CEP192: variants seen among roughly 807,000 people sequenced by gnomAD.
CEP192 encodes centrosomal protein 192.
Under a neutral mutation model 271.8 loss-of-function variants are expected in CEP192, and 151 were observed. The ratio of observed to expected loss-of-function variants is 0.56; its 90% CI spans 0.49 to 0.64. The LOEUF is 0.64. Among genes scored for constraint, CEP192 ranks in the 30% least tolerant of loss-of-function variants. The pLI is 0.00. For synonymous variants in CEP192, 995 were observed against 1,076.5 expected (o/e 0.92, Z 1.48); for missense variants, 2,910 against 3,020.5 (o/e 0.96, Z 0.86).
chr18:13,078,703 T>C (rs1159834153), intron 30 of CEP192, among the ~76,000 whole-genome samples: 2 of 152,202 alleles, frequency 1.3e-5, no homozygotes, highest in Non-Finnish European at 2.9e-5. Context: ...GTTACATATG[T>C]ATACATGTGC....
intron 9 of CEP192, among the ~76,000 whole-genome samples, chr18:13,027,857 G>A (rs760281388): frequency 2.0e-5 from 3 of 151,702 alleles, no homozygotes; most frequent in Admixed American, 6.6e-5. Flanking sequence ...TTCTATTGGG[G>A]TATTTGTATT....
chr18:13,101,161 T>A lies in CEP192; in HGVS notation c.6871+649T>A, dbSNP rs375704440. On this transcript the variant is annotated intron_variant, in intron 38 of 44. Coordinates refer to ENST00000506447, the MANE Select transcript of CEP192 (RefSeq NM_032142.4). Reference sequence around the variant, plus strand: ...GGCAGCCCTGAGCCACAGCTTCTAGTCAGCCGCAATCACAAGGGTGAACAG... The same window carrying A: ...GGCAGCCCTGAGCCACAGCTTCTAGACAGCCGCAATCACAAGGGTGAACAG... Among the ~76,000 whole-genome samples, 20 of 152,282 alleles carry A rather than the reference T, an allele frequency of 1.3e-4. No homozygotes were observed. The East Asian group carries it at 2.1e-3, about 16-fold the overall frequency.
chr18:13,124,874 A>G lies in CEP192; in HGVS notation c.*104A>G. ...TTTGTATATATATTTTGTATGATGG[A>G]TATCTATAATTGTAGATTTTGTTTT... is the stretch of plus-strand genomic sequence containing the variant. On this transcript the variant is annotated 3_prime_UTR_variant, in exon 45 of 45. Coordinates refer to ENST00000506447, the MANE Select transcript of CEP192 (RefSeq NM_032142.4). 1.1e-6 allele frequency: 1 copy of G among 923,070 alleles called. No individual in the cohort carries two copies. Among genetic ancestry groups the G allele is most frequent in the Non-Finnish European group, 1.6e-6 (1 of 628,902 alleles). The allele number at this position is 923,070 out of a possible 1,614,324, so 57.2% of individuals were successfully genotyped here.
intron 9 of CEP192, among the ~76,000 whole-genome samples, chr18:13,026,555 T>A (rs1467098233): frequency 5.9e-5 from 9 of 152,226 alleles, no homozygotes; most frequent in Non-Finnish European, 1.2e-4. Flanking sequence ...GTAGTTGTCC[T>A]GCAGTTTTTT....
At chr18:13,117,328 A>C (rs2040478815) in intron 43 of CEP192, among the ~76,000 whole-genome samples, 1 of 152,204 alleles carries the variant, frequency 6.6e-6, no homozygotes, top group South Asian at 2.1e-4. Context: ...TTTAATTTTT[A>C]ACTTTTTCTT....
chr18:13,024,938 T>C (rs1032830953), intron 9 of CEP192, among the ~76,000 whole-genome samples: 13 of 150,592 alleles, frequency 8.6e-5, no homozygotes, highest in African/African-American at 3.2e-4. Flanking sequence ...CCTGGCTAAT[T>C]TTTTTGTATT....
At position 13,113,655 on chromosome 18, in the gene CEP192, C is replaced by G; in HGVS notation, c.7117C>G (p.Leu2373Val). Residue 2373 changes from leucine (L) to valine (V), a missense_variant, in exon 41 of 45, where the codon CTT (leucine) becomes GTT (valine). Physicochemically the swap from Leu to Val is conservative, Grantham distance 32. Transcript: ENST00000506447. ...AQFWDVECHP[L>V]KEPHMKHTLR... is the part of the protein sequence containing the mutation. ...GTTTTGGGATGTTGAATGTCACCCT[C>G]TTAAGGAGCCTCACATGAAACACAC... is the stretch of plus-strand genomic sequence containing the variant. 1 of 1,613,540 alleles carries G rather than the reference C, an allele frequency of 6.2e-7. No homozygotes were observed. Among genetic ancestry groups the G allele is most frequent in the Non-Finnish European group, 8.5e-7 (1 of 1,179,556 alleles).
At chr18:13,110,034 C>T (rs1050400398) in intron 40 of CEP192, among the ~76,000 whole-genome samples, 9 of 152,208 alleles carry the variant, frequency 5.9e-5, no homozygotes, top group African/African-American at 2.2e-4. Context: ...AGAATTTATA[C>T]ACCTTATACC....
intron 13 of CEP192, 34 bp downstream of exon 13, chr18:13,038,613 C>A: frequency 1.4e-6 from 2 of 1,464,852 alleles, no homozygotes; most frequent in South Asian, 2.4e-5. Flanking sequence ...TGCTCACAGT[C>A]ACCAGATTTT....
In CEP192 at chr18:13,073,864, G is replaced by A. The variant is rs147651311; in HGVS notation, c.5616+679G>A. Among the ~76,000 whole-genome samples, 16 of 152,284 alleles carry A rather than the reference G, an allele frequency of 1.1e-4. No homozygotes were observed. In the East Asian group the frequency reaches 2.1e-3, roughly 20 times the overall value. ...ACTAGGTTTCAACATGTGAATTTGC[G>A]GGGGGACATCACCGTTTAGACCATA... On this transcript the variant is annotated intron_variant, in intron 30 of 44. Coordinates refer to ENST00000506447, the MANE Select transcript of CEP192 (RefSeq NM_032142.4).
chr18:13,001,708 CTTTTA>C, intron 3 of CEP192, 126 bp downstream of exon 3: 2 of 1,059,220 alleles, frequency 1.9e-6, no homozygotes, highest in South Asian at 3.9e-5. Flanking sequence ...GAAGAGTTTT[CTTTTA>C]TTTTGAGGCG....
At position 13,040,752 on chromosome 18, in the gene CEP192, A is replaced by G. The variant is rs1336307649; in HGVS notation, c.1810-78A>G. On this transcript the variant is annotated intron_variant, in intron 13 of 44. Transcript: ENST00000506447. ...TTTGATGTCATTTAGCTGTTTTACC[A>G]CTATTAGATAAAACAGTCTAGAATT... 4 of 1,133,626 alleles carry G rather than the reference A, an allele frequency of 3.5e-6. No individual in the cohort carries two copies. In the African/African-American group the frequency reaches 4.7e-5, roughly 13 times the overall value. The allele number at this position is 1,133,626 out of a possible 1,614,324, so 70.2% of individuals were successfully genotyped here.
chr18:13,118,876 G>A (rs2040547003), intron 44 of CEP192, among the ~76,000 whole-genome samples: 1 of 152,184 alleles, frequency 6.6e-6, no homozygotes, highest in Non-Finnish European at 1.5e-5. Flanking sequence ...TCACTCTACA[G>A]ATTTTGATAG....
chr18:13,034,292 G>A (rs918036250), intron 11 of CEP192, among the ~76,000 whole-genome samples: 1 of 152,082 alleles, frequency 6.6e-6, no homozygotes, highest in African/African-American at 2.4e-5. Context: ...AAACCTGATG[G>A]GTGCTGGGAA....
At chr18:13,090,818 A>G (rs535597722) in intron 33 of CEP192, among the ~76,000 whole-genome samples, 2 of 152,278 alleles carry the variant, frequency 1.3e-5, no homozygotes, top group South Asian at 2.1e-4. Context: ...GAACTGTGCT[A>G]TGGAGATGGA....
At chr18:12,994,796 G>A (rs572525806) in intron 1 of CEP192, among the ~76,000 whole-genome samples, 2 of 152,264 alleles carry the variant, frequency 1.3e-5, no homozygotes, top group East Asian at 3.9e-4. Context: ...TGTTCCTGAA[G>A]ACATTTGAGT....
intron 12 of CEP192, 74 bp from the exon 13 acceptor site, chr18:13,038,296 T>A: frequency 8.2e-7 from 1 of 1,212,216 alleles, no homozygotes; most frequent in Non-Finnish European, 1.2e-6. Flanking sequence ...AAGACTTTTT[T>A]AGTTTTTGTA....
At chr18:13,002,983 T>C (rs2033745820) in intron 3 of CEP192, among the ~76,000 whole-genome samples, 1 of 152,188 alleles carries the variant, frequency 6.6e-6, no homozygotes, top group African/African-American at 2.4e-5. Flanking sequence ...GCCACACACT[T>C]TTCCAGGTGG....
intron 1 of CEP192, among the ~76,000 whole-genome samples, chr18:12,992,153 A>T (rs1037308468): frequency 6.6e-6 from 1 of 152,078 alleles, no homozygotes; most frequent in African/African-American, 2.4e-5. Flanking sequence ...TGTTTATATG[A>T]CCATATTTCC....
Sources: allele counts gnomAD v4.1 joint callset (sites outside exome capture counted in the v4.1 genomes callset), GRCh38; gene constraint gnomAD v4.1.1; transcripts MANE v1.5; gene names NCBI Gene and HGNC (gene_info 2026-07-23, HGNC 2026-07-21).